Variants in PIK3AP1 observed in about 807,000 individuals in gnomAD.
The protein encoded by PIK3AP1 is phosphoinositide-3-kinase adaptor protein 1.
In PIK3AP1, 21 loss-of-function variants were observed where a neutral mutation model predicts 88.1. The ratio of observed to expected loss-of-function variants is 0.24; its 90% CI spans 0.17 to 0.34. The LOEUF (loss-of-function observed/expected upper bound fraction) is 0.34. Ranked by LOEUF, PIK3AP1 falls within the 10% of genes least tolerant of loss-of-function variation. The pLI, the probability that PIK3AP1 is intolerant of heterozygous loss-of-function variation, is 1.00. For missense variants in PIK3AP1, 828 were observed against 1,035.7 expected, an observed-to-expected ratio of 0.80 and a Z score of 2.75; for synonymous variants, 398 against 400.0, an observed-to-expected ratio of 1.00 and a Z score of 0.06.
chr10:96,612,980 ATAT>A (rs1849148987), intron 13 of PIK3AP1, among the ~76,000 whole-genome samples: 1 of 36,952 alleles, frequency 2.7e-5, no homozygotes, highest in Non-Finnish European at 4.7e-5. Flanking sequence ...ATATATATAT[ATAT>A]TTTTTTTTTT....
In PIK3AP1 at chr10:96,637,769, C is replaced by G. The variant is rs553473484; in HGVS notation, c.1375+7704G>C. Among the ~76,000 whole-genome samples, 3 of 152,266 alleles carry G rather than the reference C, an allele frequency of 2.0e-5. No individual in the cohort carries two copies. The South Asian group carries it at 6.2e-4, about 32-fold the overall frequency. On this transcript the variant is annotated intron_variant, in intron 8 of 16. Coordinates refer to ENST00000339364, the MANE Select transcript of PIK3AP1 (RefSeq NM_152309.3). Reference sequence around the variant, plus strand: ...CACCCTCAAGGTAGGCAGGCATCATCTAATCAGCTGAGGGCCCTAATAGAG... The same window carrying G: ...CACCCTCAAGGTAGGCAGGCATCATGTAATCAGCTGAGGGCCCTAATAGAG...
chr10:96,696,053 C>T (rs1203206454), intron 2 of PIK3AP1, among the ~76,000 whole-genome samples: 2 of 152,158 alleles, frequency 1.3e-5, no homozygotes, highest in Non-Finnish European at 2.9e-5. Context: ...ATAAGATGCT[C>T]ATGGGAGGGA....
chr10:96,601,225 G>A (rs543662548), intron 16 of PIK3AP1, among the ~76,000 whole-genome samples: 2 of 152,244 alleles, frequency 1.3e-5, no homozygotes, highest in South Asian at 4.2e-4. Context: ...TGTAATCCCA[G>A]CACTTTGGGA....
chr10:96,595,489 G>C lies in PIK3AP1; in HGVS notation c.*88C>G. ...AATGGATCTTAAGGTCAACAGTCATGCTATAAAACTCAACATGAAGACATC... is the reference window on the plus strand; with the variant it reads ...AATGGATCTTAAGGTCAACAGTCATCCTATAAAACTCAACATGAAGACATC... On this transcript the variant is annotated 3_prime_UTR_variant, in exon 17 of 17. Coordinates refer to ENST00000339364, the MANE Select transcript of PIK3AP1 (RefSeq NM_152309.3). 3 of 1,335,948 alleles carry C rather than the reference G, an allele frequency of 2.2e-6. No individual in the cohort carries two copies. The highest frequency in any genetic ancestry group is 3.2e-6 in the Non-Finnish European group (3 of 934,274). The allele number at this position is 1,335,948 out of a possible 1,614,324, so 82.8% of individuals were successfully genotyped here.
chr10:96,691,271 T>C (rs1189490004), intron 2 of PIK3AP1, among the ~76,000 whole-genome samples: 2 of 152,018 alleles, frequency 1.3e-5, no homozygotes, highest in Non-Finnish European at 2.9e-5. Context: ...GATGGGTAAA[T>C]GGAGTTTGTG....
chr10:96,700,038 A>G (rs945604162), intron 2 of PIK3AP1, among the ~76,000 whole-genome samples: 11 of 152,214 alleles, frequency 7.2e-5, no homozygotes, highest in African/African-American at 2.4e-4. Context: ...TGATGTTTCC[A>G]TTCTGGCATA....
At position 96,626,914 on chromosome 10, in the gene PIK3AP1, G is replaced by A. The variant is rs759717135; in HGVS notation, c.1472-9C>T. ...CATTCCCATGCTGTTGCCTAGAAAC[G>A]CAGAGAAAGGTGACTGAAAGCAGTG... On this transcript the variant is annotated splice_polypyrimidine_tract_variant and intron_variant, in intron 9 of 16. Coordinates refer to ENST00000339364, the MANE Select transcript of PIK3AP1 (RefSeq NM_152309.3). 6.2e-6 allele frequency: 10 copies of A among 1,610,028 alleles called. No homozygotes were observed. The highest frequency in any genetic ancestry group is 2.2e-5 in the East Asian group (1 of 44,858).
At chr10:96,631,874 ACT>A (rs200007957) in intron 8 of PIK3AP1, among the ~76,000 whole-genome samples, 4,461 of 150,138 alleles carry the variant, frequency 0.03, 121 homozygotes, top group Non-Finnish European at 0.038. Flanking sequence ...ACAGAGCAAG[ACT>A]CTGTCTCAAA....
intron 10 of PIK3AP1, among the ~76,000 whole-genome samples, chr10:96,624,794 C>T (rs1843133142): frequency 6.6e-6 from 1 of 152,226 alleles, no homozygotes; most frequent in Non-Finnish European, 1.5e-5. Context: ...TCTCCTGCCT[C>T]TCTCCTTTCC....
At chr10:96,652,253 A>G (rs1331623237) in intron 4 of PIK3AP1, among the ~76,000 whole-genome samples, 4 of 152,214 alleles carry the variant, frequency 2.6e-5, no homozygotes, top group Non-Finnish European at 4.4e-5. Flanking sequence ...AAAGAAATGC[A>G]TATGAAAACA....
intron 2 of PIK3AP1, among the ~76,000 whole-genome samples, chr10:96,666,979 G>A (rs1030220654): frequency 1.3e-5 from 2 of 148,804 alleles, no homozygotes; most frequent in African/African-American, 5.2e-5. Flanking sequence ...AAGTTCATGA[G>A]ACACAACCTG....
Position 96,648,829 on chromosome 10 carries a change from G to A in PIK3AP1, c.1015C>T (p.Leu339=), listed in dbSNP as rs1232474321. The A allele has an allele frequency of 1.3e-6, 2 of 1,587,946 alleles. No homozygotes were observed. Among genetic ancestry groups the A allele is most frequent in the African/African-American group, 2.7e-5 (2 of 73,358 alleles). Residue 339 remains leucine (L), a synonymous_variant, in exon 7 of 17, where the codon CTG becomes TTG. Transcript: ENST00000339364. The part of the protein sequence containing the change: ...TNQRDEELPT[L]LHFAAKYGLK... ...CCATACTTCGCAGCAAAATGCAACA[G>A]GGTGGGCAGCTCTTCATCCCTCTGA...
chr10:96,598,054 T>TTG (rs1848812267), intron 16 of PIK3AP1, among the ~76,000 whole-genome samples: 1 of 147,812 alleles, frequency 6.8e-6, no homozygotes, highest in African/African-American at 2.6e-5. Flanking sequence ...GTTTTTTTTT[T>TTG]TTTTTTTGAG....
intron 11 of PIK3AP1, chr10:96,620,986 TC>T: frequency 5.7e-6 from 1 of 174,556 alleles, no homozygotes; most frequent in Non-Finnish European, 1.2e-5. Context: ...ACAGTCTCTT[TC>T]CAGAGGTCAG....
intron 2 of PIK3AP1, among the ~76,000 whole-genome samples, chr10:96,686,150 G>C (rs1430145312): frequency 1.3e-5 from 2 of 152,116 alleles, no homozygotes; most frequent in Non-Finnish European, 2.9e-5. Flanking sequence ...GGCAGTCAAC[G>C]CATATTTTTG....
At chr10:96,629,933 G>GAAAAAA (rs1843221980) in intron 8 of PIK3AP1, among the ~76,000 whole-genome samples, 4 of 37,574 alleles carry the variant, frequency 1.1e-4, no homozygotes, top group Admixed American at 2.9e-4. Flanking sequence ...AAAAAAAAAA[G>GAAAAAA]AAGAAGAAGA....
intron 3 of PIK3AP1, among the ~76,000 whole-genome samples, chr10:96,653,125 A>G (rs749514468): frequency 6.6e-6 from 1 of 152,036 alleles, no homozygotes; most frequent in Non-Finnish European, 1.5e-5. Context: ...AATAAAACTT[A>G]GCTGGGCGCG....
chr10:96,657,049 C>T, intron 2 of PIK3AP1, 115 bp from the exon 3 acceptor site: 1 of 1,099,092 alleles, frequency 9.1e-7, no homozygotes. Context: ...GAATGTCAAA[C>T]CAATACAAGC....
intron 2 of PIK3AP1, among the ~76,000 whole-genome samples, chr10:96,686,939 C>T (rs1589537298): frequency 6.6e-6 from 1 of 152,142 alleles, no homozygotes; most frequent in Admixed American, 6.5e-5. Flanking sequence ...CTGCCTTGAA[C>T]GCTCCTTTTT....
Sources: gnomAD v4.1 joint callset for allele counts (sites outside exome capture counted in the v4.1 genomes callset) on GRCh38, gnomAD v4.1.1 for gene constraint, MANE v1.5 for transcripts, NCBI Gene and HGNC (gene_info 2026-07-23, HGNC 2026-07-21) for gene names.